Variants in GNAI3 observed in about 807,000 individuals in gnomAD.
GNAI3 encodes G protein subunit alpha i3, also known as guanine nucleotide-binding protein G(i) subunit alpha-3.
Under a neutral mutation model 41.8 loss-of-function variants are expected in GNAI3, and 12 were observed. The observed-to-expected ratio is 0.29, with a 90% CI of 0.18 to 0.47. GNAI3 has a LOEUF of 0.47. Ranked by LOEUF, GNAI3 falls within the 20% of genes least tolerant of loss-of-function variation. The pLI is 1.00. For synonymous variants in GNAI3, 132 were observed against 146.5 expected (o/e 0.90, Z 0.71); for missense variants, 360 against 429.6 (o/e 0.84, Z 1.43).
chr1:109,581,187 A>G lies in GNAI3; in HGVS notation c.462-1250A>G, dbSNP rs148456682. 4.2e-3 allele frequency among the ~76,000 whole-genome samples: 635 copies of G among 152,300 alleles called. 13 individuals are homozygous for G. The highest frequency in any genetic ancestry group is 0.03 in the Admixed American group (453 of 15,294). On this transcript the variant is annotated intron_variant, in intron 4 of 8. Coordinates refer to ENST00000369851, the MANE Select transcript of GNAI3 (RefSeq NM_006496.4). ...CTCATCAGTTTTCTAGCCTGGAATC[A>G]GCAAAGAATACAGTTTTGAAGCAGT...
At position 109,586,796 on chromosome 1, in the gene GNAI3, C is replaced by G. The variant is rs370566993; in HGVS notation, c.788C>G (p.Ser263Ter). 1 of 1,594,052 alleles carries G rather than the reference C, an allele frequency of 6.3e-7. No individual in the cohort carries two copies. Among genetic ancestry groups the G allele is most frequent in the Non-Finnish European group, 8.6e-7 (1 of 1,162,092 alleles). ...ICNNKWFTET[S>*]IILFLNKKDL... ...AATAACAAATGGTTTACAGAAACTT[C>G]AATCATTCTCTTCCTTAACAAGAAA... Residue 263 changes from serine (S) to a stop codon, truncating the protein, a stop_gained, in exon 7 of 9, where the codon TCA (serine) becomes TGA (stop). Transcript: ENST00000369851. LOFTEE classifies it high-confidence loss of function.
chr1:109,552,393 G>A (rs540441211), intron 1 of GNAI3, among the ~76,000 whole-genome samples: 1 of 151,906 alleles, frequency 6.6e-6, no homozygotes, highest in African/African-American at 2.4e-5. Flanking sequence ...AACATCTTTG[G>A]TATGATTTCC....
chr1:109,565,743 C>G (rs1048331472), intron 1 of GNAI3, among the ~76,000 whole-genome samples: 14 of 151,994 alleles, frequency 9.2e-5, no homozygotes, highest in Non-Finnish European at 1.6e-4. Context: ...GAGCTTAGGG[C>G]TAGTGGAGTC....
chr1:109,573,602 G>A, intron 1 of GNAI3, 135 bp from the exon 2 acceptor site: 1 of 658,808 alleles, frequency 1.5e-6, no homozygotes, highest in Non-Finnish European at 2.7e-6. Context: ...ACATTTTCTT[G>A]ATAGACATGA....
chr1:109,586,705 T>TA (rs1557911932), intron 6 of GNAI3, 24 bp from the exon 7 acceptor site: 1 of 1,556,030 alleles, frequency 6.4e-7, no homozygotes, highest in South Asian at 1.1e-5. Context: ...GCTACTGACC[T>TA]ATCATCCTTT....
chr1:109,566,205 G>A (rs1648449304), intron 1 of GNAI3, among the ~76,000 whole-genome samples: 1 of 152,148 alleles, frequency 6.6e-6, no homozygotes, highest in Non-Finnish European at 1.5e-5. Context: ...GTTGAATAGG[G>A]GTTTTACGGA....
chr1:109,578,913 A>G (rs914412211), intron 3 of GNAI3, among the ~76,000 whole-genome samples: 10 of 152,064 alleles, frequency 6.6e-5, no homozygotes, highest in African/African-American at 2.4e-4. Context: ...AGCAATCTGG[A>G]TGGAGATTTG....
Position 109,598,642 on chromosome 1 carries a change from G to A in GNAI3, c.*6320G>A. ...CTGAAATGAAGTTGAACTATAAATT[G>A]CTCTAAAATTCGTGAAGCAGGGTGA... is the stretch of plus-strand genomic sequence containing the variant. On this transcript the variant is annotated 3_prime_UTR_variant, in exon 9 of 9. Transcript: ENST00000369851. 4.2e-6 allele frequency: 1 copy of A among 239,100 alleles called. No individual in the cohort carries two copies. The allele number at this position is 239,100 out of a possible 1,614,324, so 14.8% of individuals were successfully genotyped here.
intron 7 of GNAI3, chr1:109,591,662 CAAG>C (rs1399303276): frequency 3.2e-5 from 13 of 411,750 alleles, no homozygotes; most frequent in Non-Finnish European, 5.3e-5. Context: ...ATTTTTATTC[CAAG>C]ATCACTCCAA....
rs1028010604 is a variant in GNAI3, at chr1:109,599,566, C to T, written c.*7244C>T. The T allele has an allele frequency of 2.0e-5, 3 of 152,134 alleles. No individual in the cohort carries two copies. The highest frequency in any genetic ancestry group is 2.1e-4 in the South Asian group (1 of 4,826). 9.4% of individuals were successfully genotyped at this position (152,134 alleles called of 1,614,324 possible). On this transcript the variant is annotated 3_prime_UTR_variant, in exon 9 of 9. Coordinates refer to ENST00000369851, the MANE Select transcript of GNAI3 (RefSeq NM_006496.4). ...ACTATCAGATTTATGTGAAATGTAA[C>T]GTAATTTACATTTGATTTACTGTTA...
chr1:109,584,121 C>T (rs1474047642), intron 5 of GNAI3, among the ~76,000 whole-genome samples: 1 of 152,162 alleles, frequency 6.6e-6, no homozygotes, highest in Non-Finnish European at 1.5e-5. Context: ...CTCAAATCCT[C>T]TCAGTTCTTT....
rs1269405049 is a variant in GNAI3 at position 109,600,144 on chromosome 1, A to AG, written c.*7822_*7823insG. 1 of 149,690 alleles carries AG rather than the reference A, an allele frequency of 6.7e-6. No individual in the cohort carries two copies. The allele number at this position is 149,690 out of a possible 1,614,324, so 9.3% of individuals were successfully genotyped here. A position where few individuals can be genotyped will look rare whatever the true frequency, so the allele number is the denominator to read the frequency against. Reference sequence around the variant, plus strand: ...TGATCTGGTTACAAAAAAAAAAAAAACTTGATGGCTTAAAGTAAATAAAAA... The same window carrying AG: ...TGATCTGGTTACAAAAAAAAAAAAAAGCTTGATGGCTTAAAGTAAATAAAAA... On this transcript the variant is annotated 3_prime_UTR_variant, in exon 9 of 9. Coordinates refer to ENST00000369851, the MANE Select transcript of GNAI3 (RefSeq NM_006496.4).
rs1008976683 is a variant in GNAI3, at chr1:109,559,529, G to T, written c.118+10691G>T. 6.6e-5 allele frequency among the ~76,000 whole-genome samples: 10 copies of T among 152,248 alleles called. No individual in the cohort carries two copies. The East Asian group carries it at 1.3e-3, about 21-fold the overall frequency. ...TGGAATATTTTAGCAAGTTATAAAG[G>T]TAACTATTTTTGTGTTATGTCTCTT... On this transcript the variant is annotated intron_variant, in intron 1 of 8. Coordinates refer to ENST00000369851, the MANE Select transcript of GNAI3 (RefSeq NM_006496.4).
At chr1:109,584,221 C>T (rs1461213421) in intron 5 of GNAI3, among the ~76,000 whole-genome samples, 1 of 152,078 alleles carries the variant, frequency 6.6e-6, no homozygotes, top group Non-Finnish European at 1.5e-5. Flanking sequence ...AATCCTAATA[C>T]ACCAAACTAG....
chr1:109,598,874 C>T lies in GNAI3; in HGVS notation c.*6552C>T, dbSNP rs777796105. 1 of 534,166 alleles carries T rather than the reference C, an allele frequency of 1.9e-6. No individual in the cohort carries two copies. The highest frequency in any genetic ancestry group is 5.4e-5 in the East Asian group (1 of 18,366). The allele number at this position is 534,166 out of a possible 1,614,324, so 33.1% of individuals were successfully genotyped here. On this transcript the variant is annotated 3_prime_UTR_variant, in exon 9 of 9. Coordinates refer to ENST00000369851, the MANE Select transcript of GNAI3 (RefSeq NM_006496.4). ...TCCCTGGCCCAACACCGAAATCCTT[C>T]TGGAATCTGTGCTCTGGGGGCTGTG...
chr1:109,550,259 A>C (rs1219955910), intron 1 of GNAI3, among the ~76,000 whole-genome samples: 1 of 152,214 alleles, frequency 6.6e-6, no homozygotes, highest in Non-Finnish European at 1.5e-5. Context: ...AGATTGCAGA[A>C]GCTCTGGTAA....
chr1:109,588,419 A>G (rs1157661512), intron 7 of GNAI3, among the ~76,000 whole-genome samples: 2 of 152,034 alleles, frequency 1.3e-5, no homozygotes, highest in Non-Finnish European at 1.5e-5. Context: ...CCTTGGTTTC[A>G]AATTCCAAGG....
At chr1:109,575,027 G>A (rs1448905449) in intron 3 of GNAI3, among the ~76,000 whole-genome samples, 1 of 152,196 alleles carries the variant, frequency 6.6e-6, no homozygotes, top group Admixed American at 6.5e-5. Context: ...AAGTGTCTTA[G>A]AAATGGCATA....
chr1:109,586,423 C>T (rs1339399889), intron 6 of GNAI3, 78 bp downstream of exon 6: 1 of 1,365,264 alleles, frequency 7.3e-7, no homozygotes, highest in Admixed American at 2.1e-5. Flanking sequence ...AGATTATCTG[C>T]ATCCATTTCC....
Sources: allele counts gnomAD v4.1 joint callset (sites outside exome capture counted in the v4.1 genomes callset), GRCh38; gene constraint gnomAD v4.1.1; transcripts MANE v1.5; gene names NCBI Gene and HGNC (gene_info 2026-07-23, HGNC 2026-07-21).